NOP58: variants seen among roughly 807,000 people sequenced by gnomAD.
The protein encoded by NOP58 is NOP58 ribonucleoprotein.
Under a neutral mutation model 71.2 loss-of-function variants are expected in NOP58, and 44 were observed. The ratio of observed to expected loss-of-function variants is 0.62; its 90% CI spans 0.49 to 0.79. NOP58 has a LOEUF of 0.79. Ranked by LOEUF, NOP58 falls within the 30% of genes least tolerant of loss-of-function variation. NOP58 has a pLI of 0.00. For missense variants in NOP58, 538 were observed against 620.2 expected, an observed-to-expected ratio of 0.87 and a Z score of 1.41; for synonymous variants, 228 against 200.3, an observed-to-expected ratio of 1.14 and a Z score of -1.17.
intron 3 of NOP58, among the ~76,000 whole-genome samples, chr2:202,280,711 T>C (rs1218875404): frequency 6.6e-6 from 1 of 151,972 alleles, no homozygotes; most frequent in African/African-American, 2.4e-5. Context: ...GACATTCATA[T>C]ATGCTATTTG....
At chr2:202,277,023 C>A (rs577520881) in intron 2 of NOP58, among the ~76,000 whole-genome samples, 3 of 152,148 alleles carry the variant, frequency 2.0e-5, no homozygotes, top group African/African-American at 7.2e-5. Context: ...CACGGTGGCT[C>A]ACGCCTGTAA....
At chr2:202,294,593 C>T (rs1432223192) in intron 9 of NOP58, among the ~76,000 whole-genome samples, 3 of 152,066 alleles carry the variant, frequency 2.0e-5, no homozygotes, top group Non-Finnish European at 2.9e-5. Flanking sequence ...CCTAAACATA[C>T]ATATCTATAA....
intron 3 of NOP58, among the ~76,000 whole-genome samples, chr2:202,281,189 A>G (rs550682906): frequency 4.0e-5 from 6 of 149,404 alleles, no homozygotes; most frequent in Admixed American, 3.3e-4. Flanking sequence ...CTGGAGTGCA[A>G]TGTCACGGTA....
At chr2:202,284,609 T>G in intron 5 of NOP58, 128 bp downstream of exon 5, 9 of 892,772 alleles carry the variant, frequency 1.0e-5, no homozygotes, top group Non-Finnish European at 1.3e-5. Context: ...ATGATAGTAA[T>G]ATCCTCATTT....
intron 3 of NOP58, among the ~76,000 whole-genome samples, chr2:202,280,551 G>A (rs1264666766): frequency 6.6e-6 from 1 of 151,848 alleles, no homozygotes; most frequent in Non-Finnish European, 1.5e-5. Flanking sequence ...AGGCTGCTCT[G>A]GAACTCCTGA....
At chr2:202,282,834 T>C (rs1392256325) in intron 4 of NOP58, among the ~76,000 whole-genome samples, 1 of 152,158 alleles carries the variant, frequency 6.6e-6, no homozygotes, top group Non-Finnish European at 1.5e-5. Flanking sequence ...AGAAAACTTT[T>C]AGTAGGGGTG....
At chr2:202,287,255 G>C (rs1257809175) in intron 5 of NOP58, among the ~76,000 whole-genome samples, 1 of 151,980 alleles carries the variant, frequency 6.6e-6, no homozygotes, top group African/African-American at 2.4e-5. Flanking sequence ...TTTTAGTAGA[G>C]ACAGGGTTTC....
At chr2:202,289,465 G>A (rs939668809) in intron 6 of NOP58, among the ~76,000 whole-genome samples, 1 of 152,120 alleles carries the variant, frequency 6.6e-6, no homozygotes, top group African/African-American at 2.4e-5. Context: ...TTACCTTCAA[G>A]GTTTTGTATA....
rs1688758661 is a variant in NOP58 at position 202,284,477 on chromosome 2, C to T, written c.430C>T (p.His144Tyr). The change falls in exon 5 of 15, where the codon CAC becomes TAC. Residue 144 changes from histidine to tyrosine, a missense_variant. His to Tyr is a moderately conservative substitution (Grantham distance 83). Transcript: ENST00000264279. ...EMAAMCLGLA[H>Y]SLSRYRLKFS... is the part of the protein sequence containing the mutation. ...GGCAGCTATGTGTCTTGGATTGGCT[C>T]ACAGGTGAGAATTACTGGAAAATAA... is the stretch of plus-strand genomic sequence containing the variant. 2 of 1,611,194 alleles carry T rather than the reference C, an allele frequency of 1.2e-6. No homozygotes were observed. The highest frequency in any genetic ancestry group is 1.7e-6 in the Non-Finnish European group (2 of 1,179,344).
chr2:202,272,771 T>C (rs1312931860), intron 1 of NOP58, among the ~76,000 whole-genome samples: 1 of 152,172 alleles, frequency 6.6e-6, no homozygotes, highest in Non-Finnish European at 1.5e-5. Context: ...TGAGTAAAAT[T>C]CACATTTTTT....
In NOP58 at chr2:202,295,213, G is replaced by A. The variant is rs1313198998; in HGVS notation, c.908-461G>A. Among the ~76,000 whole-genome samples, 3 of 152,206 alleles carry A rather than the reference G, an allele frequency of 2.0e-5. No individual in the cohort carries two copies. In the East Asian group the frequency reaches 5.8e-4, roughly 29 times the overall value. On this transcript the variant is annotated intron_variant, in intron 9 of 14. Coordinates refer to ENST00000264279, the MANE Select transcript of NOP58 (RefSeq NM_015934.5). ...AGGTAATTTACCACACAAAGTGAAA[G>A]CACAGGTAGGGGACTATTAATAGAT...
intron 4 of NOP58, among the ~76,000 whole-genome samples, chr2:202,283,994 AT>A (rs1455802497): frequency 6.6e-6 from 1 of 152,028 alleles, no homozygotes; most frequent in Non-Finnish European, 1.5e-5. Flanking sequence ...TTAGGAAATA[AT>A]TTCAGGCTGG....
chr2:202,274,400 A>ATTTTTTTTT (rs1173477305), intron 1 of NOP58, among the ~76,000 whole-genome samples: 30 of 104,676 alleles, frequency 2.9e-4, no homozygotes, highest in African/African-American at 7.6e-4. Flanking sequence ...CTAATTTTGT[A>ATTTTTTTTT]TTTTTTTTTT....
intron 6 of NOP58, among the ~76,000 whole-genome samples, chr2:202,288,026 A>G (rs1308223753): frequency 6.6e-6 from 1 of 152,214 alleles, no homozygotes; most frequent in African/African-American, 2.4e-5. Context: ...AGGCAGGATA[A>G]TTGCTTGAAC....
chr2:202,297,963 C>T, intron 12 of NOP58, 57 bp downstream of exon 12: 2 of 1,085,550 alleles, frequency 1.8e-6, no homozygotes, highest in South Asian at 3.7e-5. Flanking sequence ...TAATTATTGA[C>T]AGTAATTTTT....
intron 5 of NOP58, among the ~76,000 whole-genome samples, chr2:202,287,444 C>A (rs150023035): frequency 5.1e-4 from 77 of 151,636 alleles, no homozygotes; most frequent in African/African-American, 1.7e-3. Flanking sequence ...AAATAAAGGT[C>A]GTAGCAGCAC....
At chr2:202,275,311 G>A in intron 2 of NOP58, 122 bp downstream of exon 2, 1 of 596,948 alleles carries the variant, frequency 1.7e-6, no homozygotes, top group Non-Finnish European at 3.0e-6. Context: ...TCTGTTTCAG[G>A]AATAATTTTG....
chr2:202,287,554 C>T, intron 5 of NOP58, 106 bp from the exon 6 acceptor site: 1 of 776,400 alleles, frequency 1.3e-6, no homozygotes, highest in East Asian at 2.7e-5. Context: ...GCTCTGACTA[C>T]AGGCTGATTT....
chr2:202,284,863 T>C (rs1196147802), intron 5 of NOP58, among the ~76,000 whole-genome samples: 1 of 152,116 alleles, frequency 6.6e-6, no homozygotes, highest in Non-Finnish European at 1.5e-5. Flanking sequence ...TATGGTCTTA[T>C]GGGATAGGTG....
Sources: allele counts gnomAD v4.1 joint callset (sites outside exome capture counted in the v4.1 genomes callset), GRCh38; gene constraint gnomAD v4.1.1; transcripts MANE v1.5; gene names NCBI Gene and HGNC (gene_info 2026-07-23, HGNC 2026-07-21).